Variants in DUSP15 observed in about 807,000 individuals in gnomAD.
The protein encoded by DUSP15 is dual specificity protein phosphatase 15.
A neutral mutation model predicts 26.3 loss-of-function variants in DUSP15; 23 were observed. That is an observed-to-expected ratio of 0.87 (90% CI 0.63 to 1.24). The LOEUF is 1.24. Ranked by LOEUF, DUSP15 falls within the 50% of genes most tolerant of loss-of-function variation. DUSP15 has a pLI of 0.00. For synonymous variants in DUSP15, 143 were observed against 135.5 expected, an observed-to-expected ratio of 1.06 and a Z score of -0.39; for missense variants, 364 against 320.6, an observed-to-expected ratio of 1.14 and a Z score of -1.03.
chr20:31,870,271 C>T lies in DUSP15; in HGVS notation c.21+46G>A. The T allele has an allele frequency of 8.2e-7, 1 of 1,222,908 alleles. No homozygotes were observed. The highest frequency in any genetic ancestry group is 1.0e-6 in the Non-Finnish European group (1 of 982,616). 75.8% of individuals were successfully genotyped at this position (1,222,908 alleles called of 1,614,324 possible). ...CGAGCTGGTCAGCGCCGGGCCGCGG[C>T]GGCCGGGGCGGGGACCGGGGAGGCT... On this transcript the variant is annotated intron_variant, in intron 1 of 6. Coordinates refer to ENST00000339738, the MANE Select transcript of DUSP15 (RefSeq NM_080611.5). This position sits in a 1 kb window ranked among gnomAD's most constrained non-coding sequence, Gnocchi z 6.6.
chr20:31,862,579 A>C lies in DUSP15; in HGVS notation c.427T>G (p.Ser143Ala), dbSNP rs2062683585. Residue 143 changes from serine (S) to alanine (A), a missense_variant, in exon 6 of 7, where the codon TCC (serine) becomes GCC (alanine). Coordinates refer to ENST00000339738, the MANE Select transcript of DUSP15 (RefSeq NM_080611.5). ...CTTGACCCCATCCCTACCTTCTGGGAACTGGCCCAGCCAAACTCTTCAAGC... is the reference window on the plus strand; with the variant it reads ...CTTGACCCCATCCCTACCTTCTGGGCACTGGCCCAGCCAAACTCTTCAAGC... ...QQLEEFGWAS[S>A]QKLRRQLEER... 6.2e-7 allele frequency: 1 copy of C among 1,609,440 alleles called. No homozygotes were observed. The highest frequency in any genetic ancestry group is 2.2e-5 in the East Asian group (1 of 44,790).
exon 10 of DUSP15, chr20:31,848,026 C>T (rs1480101497): frequency 1.1e-5 from 2 of 181,876 alleles, no homozygotes; most frequent in African/African-American, 2.4e-5. Flanking sequence ...CACTAAACAA[C>T]CCTGATGATC....
At chr20:31,862,825 C>A in intron 5 of DUSP15, 83 bp from the exon 6 acceptor site, 1 of 1,393,958 alleles carries the variant, frequency 7.2e-7, no homozygotes, top group Non-Finnish European at 9.6e-7. Context: ...GCTTCAACTC[C>A]CCCACCCTTG....
In DUSP15 at chr20:31,861,721, C is replaced by T. The variant is rs768026860; in HGVS notation, c.436-46G>A. 37 of 1,310,916 alleles carry T rather than the reference C, an allele frequency of 2.8e-5. No individual in the cohort carries two copies. In the African/African-American group the frequency reaches 5.6e-4, roughly 20 times the overall value. The allele number at this position is 1,310,916 out of a possible 1,614,324, so 81.2% of individuals were successfully genotyped here. On this transcript the variant is annotated intron_variant, in intron 6 of 6. Transcript: ENST00000339738. ...GGGCGGGGTCAAGGCCGGCGCGGGG[C>T]GGGGTCAAGGCAGCCGGCCCCGCCC...
chr20:31,870,544 C>T (rs1248546912), upstream of DUSP15: 1 of 1,454,556 alleles, frequency 6.9e-7, no homozygotes, highest in South Asian at 1.4e-5. This position sits in a 1 kb window ranked among gnomAD's most constrained non-coding sequence, Gnocchi z 6.6. Context: ...GGAGCCGCCG[C>T]TGCCACCGCC....
Position 31,861,679 on chromosome 20 carries a change from G to GGGTGGGCGGGTGA in DUSP15, c.436-17_436-5dup, listed in dbSNP as rs1377483009. The GGGTGGGCGGGTGA allele has an allele frequency of 2.1e-6, 3 of 1,462,124 alleles. No homozygotes were observed. Among genetic ancestry groups the GGGTGGGCGGGTGA allele is most frequent in the South Asian group, 1.3e-5 (1 of 75,044 alleles). The allele number at this position is 1,462,124 out of a possible 1,614,324, so 90.6% of individuals were successfully genotyped here. ...GCTCCTCCAGCTGCCGGCGAAGCTG[G>GGGTGGGCGGGTGA]GGTGGGCGGGTGAGGTGGGCGGGGT... is the stretch of plus-strand genomic sequence containing the variant. On this transcript the variant is annotated splice_polypyrimidine_tract_variant and splice_region_variant and intron_variant, in intron 6 of 6. Coordinates refer to ENST00000339738, the MANE Select transcript of DUSP15 (RefSeq NM_080611.5).
chr20:31,868,364 C>G (rs1169763559), intron 2 of DUSP15, among the ~76,000 whole-genome samples: 1 of 152,194 alleles, frequency 6.6e-6, no homozygotes, highest in Non-Finnish European at 1.5e-5. Context: ...TGAGCCCCTC[C>G]CTCTCTAAAG....
At chr20:31,859,722 A>G (rs1040291135), downstream of DUSP15, among the ~76,000 whole-genome samples, 12 of 152,162 alleles carry the variant, frequency 7.9e-5, no homozygotes, top group African/African-American at 2.4e-4. Flanking sequence ...CAGTAGCGCA[A>G]TCTTGGCTCA....
At chr20:31,866,986 T>TA in intron 3 of DUSP15, 85 bp downstream of exon 3, 2 of 1,296,422 alleles carry the variant, frequency 1.5e-6, no homozygotes, top group Non-Finnish European at 2.2e-6. Context: ...GAAGGAAGCA[T>TA]AGCACCTAGC....
chr20:31,858,881 A>G (rs916575263), downstream of DUSP15, among the ~76,000 whole-genome samples: 1 of 152,206 alleles, frequency 6.6e-6, no homozygotes, highest in Non-Finnish European at 1.5e-5. This position sits in a 1 kb window ranked among gnomAD's most constrained non-coding sequence, Gnocchi z 4.4. Context: ...CAGGAAGCCC[A>G]GGAAACCCAC....
downstream of DUSP15, among the ~76,000 whole-genome samples, chr20:31,857,006 A>G (rs73903663): frequency 0.018 from 2,735 of 152,148 alleles, 76 homozygotes; most frequent in African/African-American, 0.062. Flanking sequence ...GAAGACAGTG[A>G]CATATGCTTA....
intron 6 of DUSP15, among the ~76,000 whole-genome samples, chr20:31,855,027 C>T (rs1454435731): frequency 2.6e-5 from 4 of 152,160 alleles, no homozygotes; most frequent in African/African-American, 7.2e-5. Flanking sequence ...CATGCCTGAA[C>T]GAAGCTTATC....
rs2062458915 is a variant in DUSP15, at chr20:31,850,977, G to A, written c.427-301C>T. ...AGGAATTCCCAGACTGTTCCCACCA[G>A]TGCAGAGAGGTCTGGGCGGACTGAA... On this transcript the variant is annotated intron_variant, in intron 6 of 9. Transcript: ENST00000278979. 2.0e-5 allele frequency among the ~76,000 whole-genome samples: 3 copies of A among 152,248 alleles called. No individual in the cohort carries two copies. The South Asian group carries it at 6.2e-4, about 31-fold the overall frequency.
chr20:31,849,849 G>C, exon 8 of DUSP15: 1 of 1,519,700 alleles, frequency 6.6e-7, no homozygotes, highest in South Asian at 1.2e-5. Context: ...GCTGCGGAGA[G>C]AAGAGCCACA....
exon 9 of DUSP15, chr20:31,848,863 G>A (rs12480325): frequency 0.075 from 119,890 of 1,608,816 alleles, 6,487 homozygotes; most frequent in African/African-American, 0.28. Context: ...CCTCCTCACC[G>A]AAGCACAGAC....
exon 10 of DUSP15, chr20:31,848,336 C>T (rs2062400851): frequency 6.6e-7 from 1 of 1,513,634 alleles, no homozygotes; most frequent in Non-Finnish European, 8.9e-7. Context: ...GGGGGAGGCC[C>T]CAAGTCTATG....
chr20:31,845,870 C>T (rs560111345), downstream of DUSP15, among the ~76,000 whole-genome samples: 8 of 151,530 alleles, frequency 5.3e-5, no homozygotes, highest in East Asian at 3.9e-4. Flanking sequence ...TGAAACTGAG[C>T]GGGACAGAGA....
chr20:31,860,945 C>CTG, downstream of DUSP15: 1 of 976,394 alleles, frequency 1.0e-6, no homozygotes. Context: ...GCTCCTCAGG[C>CTG]CCCCAGGGGA....
At position 31,861,508 on chromosome 20, in the gene DUSP15, C is replaced by T; in HGVS notation, c.603G>A (p.Val201=). Residue 201 remains valine, a synonymous_variant, in exon 7 of 7, where the codon GTG becomes GTA. Transcript: ENST00000339738. ...AASEGTVQRL[V]PRTPREAHRP... ...GGTGGGCTTCCCGGGGCGTGCGCGG[C>T]ACCAGGCGCTGCACGGTTCCCTCGG... is the stretch of plus-strand genomic sequence containing the variant. 4 of 1,529,040 alleles carry T rather than the reference C, an allele frequency of 2.6e-6. No individual in the cohort carries two copies. Among genetic ancestry groups the T allele is most frequent in the Non-Finnish European group, 3.5e-6 (4 of 1,147,122 alleles). 94.7% of individuals were successfully genotyped at this position (1,529,040 alleles called of 1,614,324 possible). A position where few individuals can be genotyped will look rare whatever the true frequency, so the allele number is the denominator to read the frequency against.
Sources: allele counts gnomAD v4.1 joint callset (sites outside exome capture counted in the v4.1 genomes callset), GRCh38; gene constraint gnomAD v4.1.1; non-coding constraint Gnocchi (gnomAD v3.1); transcripts MANE v1.5; gene names NCBI Gene and HGNC (gene_info 2026-07-23, HGNC 2026-07-21).